LAMA4: variants seen among roughly 807,000 people sequenced by gnomAD.
The protein encoded by LAMA4 is laminin subunit alpha-4.
In LAMA4, 127 loss-of-function variants were observed where a neutral mutation model predicts 207.1. That is an observed-to-expected ratio of 0.61 (90% confidence interval 0.53 to 0.71). The LOEUF (loss-of-function observed/expected upper bound fraction) is 0.71. Ranked by LOEUF, LAMA4 falls within the 30% of genes least tolerant of loss-of-function variation. The pLI is 0.00. For synonymous variants in LAMA4, 761 were observed against 816.0 expected (o/e 0.93, Z 1.15); for missense variants, 2,093 against 2,246.5 (o/e 0.93, Z 1.38).
In LAMA4 at chr6:112,109,568, G is replaced by A. The variant is rs782185478; in HGVS notation, c.5341C>T (p.Pro1781Ser). 12 of 1,613,954 alleles carry A rather than the reference G, an allele frequency of 7.4e-6. No individual in the cohort carries two copies. In the South Asian group the frequency reaches 7.7e-5, roughly 10 times the overall value. ...AAGGGTTTGCTGGGGGCCAAGCGTG[G>A]TGTCAGTAGAGATTCTGAAAAGAGC... ...VGGVPESLLT[P>S]RLAPSKPFTG... The change falls in exon 39 of 39, where the codon CCA becomes TCA. Residue 1781 changes from proline (P) to serine (S), a missense_variant. Pro to Ser is a moderately conservative substitution (Grantham distance 74). This residue lies in a region of LAMA4 where 383 missense variants were observed against 437.8 expected (regional missense o/e 0.87). Transcript: ENST00000230538.
intron 31 of LAMA4, among the ~76,000 whole-genome samples, chr6:112,122,932 A>G (rs1200373236): frequency 6.6e-6 from 1 of 152,244 alleles, no homozygotes; most frequent in Non-Finnish European, 1.5e-5. Context: ...AAGGAAATCC[A>G]TGATTATACA....
chr6:112,253,927 GC>G, intron 2 of LAMA4, 28 bp downstream of exon 2: 1 of 1,610,280 alleles, frequency 6.2e-7, no homozygotes, highest in Non-Finnish European at 8.5e-7. Flanking sequence ...AGGTGCCCCA[GC>G]AGGGTGGCAA....
intron 2 of LAMA4, among the ~76,000 whole-genome samples, chr6:112,241,267 C>A (rs71541021): frequency 1 from 146,695 of 146,700 alleles, 73,345 homozygotes; most frequent in Middle Eastern, 1. Context: ...TCAGAAATCT[C>A]AACGACTGTT....
intron 19 of LAMA4, among the ~76,000 whole-genome samples, chr6:112,144,458 G>T (rs1779894508): frequency 6.6e-6 from 1 of 152,182 alleles, no homozygotes; most frequent in South Asian, 2.1e-4. Context: ...CTTTTATTGA[G>T]GCTTTACTTC....
rs1282850567 is a variant in LAMA4, at chr6:112,140,047, G to A, written c.2977-162C>T. On this transcript the variant is annotated intron_variant, in intron 22 of 38. Coordinates refer to ENST00000230538, the MANE Select transcript of LAMA4 (RefSeq NM_001105206.3). ...TTATGCCAAATCATTTAGATATGGCGTAACTTGTCAGTTGTGCAAATCTTA... is the reference window on the plus strand; with the variant it reads ...TTATGCCAAATCATTTAGATATGGCATAACTTGTCAGTTGTGCAAATCTTA... 5.9e-5 allele frequency among the ~76,000 whole-genome samples: 9 copies of A among 152,132 alleles called. No individual in the cohort carries two copies. In the East Asian group the frequency reaches 1.2e-3, roughly 19 times the overall value.
chr6:112,197,236 C>T (rs1403170776), intron 5 of LAMA4, among the ~76,000 whole-genome samples: 5 of 151,978 alleles, frequency 3.3e-5, no homozygotes, highest in East Asian at 3.9e-4. Flanking sequence ...ATGTCCAACA[C>T]GGGGAGTTTA....
chr6:112,119,269 C>A lies in LAMA4; in HGVS notation c.4708G>T (p.Asp1570Tyr), dbSNP rs199938033. Residue 1570 changes from aspartate (D) to tyrosine (Y), a missense_variant, in exon 34 of 39, where the codon GAT becomes TAT. Asp to Tyr is a radical substitution (Grantham distance 160). Transcript: ENST00000230538. ...RERSSGRLVI[D>Y]GLRVLEESLP... ...CTTTCTTCTAGGACTCGGAGACCAT[C>A]AATTACCAGTCGGCCACTGCTCCTT... The A allele has an allele frequency of 2.8e-5, 45 of 1,613,932 alleles. No homozygotes were observed. Among genetic ancestry groups the A allele is most frequent in the Non-Finnish European group, 3.6e-5 (42 of 1,179,950 alleles).
At chr6:112,165,503 G>A (rs1018592197) in intron 12 of LAMA4, among the ~76,000 whole-genome samples, 3 of 152,150 alleles carry the variant, frequency 2.0e-5, no homozygotes, top group African/African-American at 7.2e-5. Flanking sequence ...TTAGACATAC[G>A]GAGGATTATT....
chr6:112,230,943 A>G lies in LAMA4; in HGVS notation c.196-14474T>C, dbSNP rs137882430. 2.0e-3 allele frequency among the ~76,000 whole-genome samples: 307 copies of G among 152,372 alleles called. 1 individual carries two copies. The highest frequency in any genetic ancestry group is 3.7e-3 in the Non-Finnish European group (253 of 68,038). Reference sequence around the variant, plus strand: ...AAGCAACTTGTTGAAAGCTGTTTACATAGAGCAAGGTGATGCACCATTAGT... The same window carrying G: ...AAGCAACTTGTTGAAAGCTGTTTACGTAGAGCAAGGTGATGCACCATTAGT... On this transcript the variant is annotated intron_variant, in intron 2 of 38. Coordinates refer to ENST00000230538, the MANE Select transcript of LAMA4 (RefSeq NM_001105206.3).
intron 12 of LAMA4, chr6:112,172,310 G>A (rs1781761738): frequency 2.9e-6 from 1 of 346,502 alleles, no homozygotes; most frequent in Admixed American, 4.1e-5. Flanking sequence ...AGTGCTCTCA[G>A]TATAAAAAAA....
intron 15 of LAMA4, 86 bp from the exon 16 acceptor site, chr6:112,155,033 A>C (rs1554336565): frequency 5.5e-6 from 5 of 912,568 alleles, no homozygotes; most frequent in Non-Finnish European, 9.1e-6. Context: ...GACACAGTTT[A>C]TCTGCTAAAC....
Position 112,122,127 on chromosome 6 carries a change from G to A in LAMA4, c.4362C>T (p.Asn1454=). ...LKLPERNTPR[N]SHCHLSNSPR... Reference sequence around the variant, plus strand: ...GGCTGTTGGAAAGGTGGCAATGAGAGTTTCTTGGAGTATTCCGCTCTGGGA... The same window carrying A: ...GGCTGTTGGAAAGGTGGCAATGAGAATTTCTTGGAGTATTCCGCTCTGGGA... Residue 1454 remains asparagine, a synonymous_variant, in exon 32 of 39, where the codon AAC becomes AAT. Coordinates refer to ENST00000230538, the MANE Select transcript of LAMA4 (RefSeq NM_001105206.3). 1 of 1,613,870 alleles carries A rather than the reference G, an allele frequency of 6.2e-7. No homozygotes were observed. The highest frequency in any genetic ancestry group is 8.5e-7 in the Non-Finnish European group (1 of 1,179,812).
intron 12 of LAMA4, among the ~76,000 whole-genome samples, chr6:112,168,979 G>T (rs1052621016): frequency 6.6e-6 from 1 of 152,060 alleles, no homozygotes; most frequent in Non-Finnish European, 1.5e-5. Flanking sequence ...AAATGTGCAC[G>T]GTCTCCAGTG....
At chr6:112,167,460 G>T (rs540819229) in intron 12 of LAMA4, among the ~76,000 whole-genome samples, 1 of 152,134 alleles carries the variant, frequency 6.6e-6, no homozygotes, top group Non-Finnish European at 1.5e-5. Context: ...TCAAATTCCA[G>T]TAAGGTCAGA....
upstream of LAMA4, chr6:112,254,723 G>A (rs1490306656): frequency 6.3e-6 from 1 of 157,944 alleles, no homozygotes; most frequent in Admixed American, 6.1e-5. Flanking sequence ...TTCAGCTTTT[G>A]TGACGCTTCC....
chr6:112,207,656 G>C (rs1314395277), intron 3 of LAMA4, among the ~76,000 whole-genome samples: 3 of 152,108 alleles, frequency 2.0e-5, no homozygotes, highest in African/African-American at 7.2e-5. Flanking sequence ...GGTAGATAAA[G>C]AGCATTCTGC....
At chr6:112,201,789 C>T (rs1783763029) in intron 4 of LAMA4, 101 bp from the exon 5 acceptor site, 2 of 933,152 alleles carry the variant, frequency 2.1e-6, no homozygotes, top group African/African-American at 3.2e-5. Flanking sequence ...CATTAAAGTT[C>T]TAATGGGTGC....
At chr6:112,109,639 T>G in intron 38 of LAMA4, 57 bp from the exon 39 acceptor site, 1 of 1,547,472 alleles carries the variant, frequency 6.5e-7, no homozygotes, top group South Asian at 1.1e-5. Context: ...CAAGCCCAAA[T>G]ATTACTTCCT....
intron 2 of LAMA4, among the ~76,000 whole-genome samples, chr6:112,244,398 C>A (rs1235229093): frequency 1.3e-5 from 2 of 152,228 alleles, no homozygotes; most frequent in Middle Eastern, 6.3e-3. Flanking sequence ...ACTTCCCCAT[C>A]CCTTTCCTGG....
Sources: allele counts gnomAD v4.1 joint callset (sites outside exome capture counted in the v4.1 genomes callset), GRCh38; gene constraint gnomAD v4.1.1; regional missense constraint gnomAD v4.1.1; transcripts MANE v1.5; gene names NCBI Gene and HGNC (gene_info 2026-07-23, HGNC 2026-07-21).